Variants in BCL2 observed in about 807,000 individuals in gnomAD.
BCL2 encodes BCL2 apoptosis regulator.
BCL2 carries 1 observed loss-of-function variant against 14.2 expected under a neutral mutation model. The ratio of observed to expected loss-of-function variants is 0.07; its 90% CI spans 0.02 to 0.33. The LOEUF (loss-of-function observed/expected upper bound fraction) is 0.33. Among genes scored for constraint, BCL2 ranks in the 10% least tolerant of loss-of-function variants. The probability of loss-of-function intolerance (pLI) is 0.99; values close to 1 mark genes in which losing one functional copy is unlikely to be tolerated. For missense variants in BCL2, 247 were observed against 305.9 expected, an observed-to-expected ratio of 0.81 and a Z score of 1.44; for synonymous variants, 151 against 137.2, an observed-to-expected ratio of 1.10 and a Z score of -0.70.
chr18:63,192,436 G>A (rs909719016), intron 2 of BCL2, among the ~76,000 whole-genome samples: 1 of 152,162 alleles, frequency 6.6e-6, no homozygotes, highest in African/African-American at 2.4e-5. Context: ...AAATCAGATC[G>A]AGAGCCTGGA....
chr18:63,167,803 G>A (rs1329962130), intron 2 of BCL2, among the ~76,000 whole-genome samples: 1 of 152,062 alleles, frequency 6.6e-6, no homozygotes, highest in Non-Finnish European at 1.5e-5. Context: ...GTGCATGCCT[G>A]TGGTCCCACC....
intron 2 of BCL2, among the ~76,000 whole-genome samples, chr18:63,164,522 A>C (rs1464741869): frequency 2.0e-5 from 3 of 152,162 alleles, no homozygotes; most frequent in Non-Finnish European, 4.4e-5. Flanking sequence ...TTTTAGGGGG[A>C]AAGACTGGGA....
chr18:63,197,153 A>T (rs1909467021), intron 2 of BCL2, among the ~76,000 whole-genome samples: 1 of 152,242 alleles, frequency 6.6e-6, no homozygotes, highest in South Asian at 2.1e-4. Context: ...TGCCAAACAC[A>T]CATGGGTGGA....
intron 2 of BCL2, among the ~76,000 whole-genome samples, chr18:63,167,656 G>A (rs879859402): frequency 6.6e-6 from 1 of 152,062 alleles, no homozygotes; most frequent in Admixed American, 6.5e-5. Flanking sequence ...GGCTGGGCGT[G>A]GTGGCTCCTG....
At chr18:63,156,908 G>T (rs866504233) in intron 2 of BCL2, among the ~76,000 whole-genome samples, 1 of 152,118 alleles carries the variant, frequency 6.6e-6, no homozygotes. Context: ...TTTGCCCTCC[G>T]TTTTCTTCCC....
intron 2 of BCL2, among the ~76,000 whole-genome samples, chr18:63,165,123 C>G (rs1271744133): frequency 1.3e-5 from 2 of 151,958 alleles, no homozygotes; most frequent in African/African-American, 4.8e-5. Context: ...TAATTCAATT[C>G]AGGTTCAAAA....
At chr18:63,229,489 C>T (rs1910634853) in intron 2 of BCL2, among the ~76,000 whole-genome samples, 1 of 152,168 alleles carries the variant, frequency 6.6e-6, no homozygotes, top group Non-Finnish European at 1.5e-5. Flanking sequence ...CTGGATTTCT[C>T]ATGAATGGTT....
chr18:63,172,262 C>T (rs144963801), intron 2 of BCL2, among the ~76,000 whole-genome samples: 1 of 152,336 alleles, frequency 6.6e-6, no homozygotes, highest in East Asian at 1.9e-4. Flanking sequence ...CTTTCATTCA[C>T]GTACTCACTT....
chr18:63,227,935 A>G (rs1489046805), intron 2 of BCL2, among the ~76,000 whole-genome samples: 2 of 152,226 alleles, frequency 1.3e-5, no homozygotes, highest in Non-Finnish European at 2.9e-5. Context: ...GGTGTCTTAA[A>G]CAGCAGAAGT....
chr18:63,165,741 G>A (rs1257581083), intron 2 of BCL2, among the ~76,000 whole-genome samples: 1 of 151,302 alleles, frequency 6.6e-6, no homozygotes, highest in African/African-American at 2.5e-5. Flanking sequence ...GAGACAAAAA[G>A]AGATTGAGCA....
At chr18:63,184,362 T>A (rs1163276742) in intron 2 of BCL2, among the ~76,000 whole-genome samples, 1 of 152,252 alleles carries the variant, frequency 6.6e-6, no homozygotes, top group East Asian at 1.9e-4. Context: ...TGAATATTAA[T>A]CTGAAATATT....
chr18:63,146,845 T>C (rs536953457), intron 2 of BCL2, among the ~76,000 whole-genome samples: 7 of 152,330 alleles, frequency 4.6e-5, no homozygotes, highest in African/African-American at 1.7e-4. Context: ...TGATGGAATA[T>C]AGATTCAAAC....
At chr18:63,140,554 C>G (rs924627993) in intron 2 of BCL2, among the ~76,000 whole-genome samples, 15 of 152,234 alleles carry the variant, frequency 9.9e-5, no homozygotes, top group African/African-American at 3.6e-4. Flanking sequence ...ACAAAGGCCA[C>G]CCACTGTCTA....
intron 2 of BCL2, chr18:63,315,925 G>A (rs1913484212): frequency 6.6e-6 from 1 of 152,232 alleles, no homozygotes; most frequent in Non-Finnish European, 1.5e-5. Context: ...GCATTGTTCT[G>A]AAAGCTATTA....
intron 2 of BCL2, chr18:63,316,540 G>C (rs1363582606): frequency 1.3e-5 from 2 of 152,096 alleles, no homozygotes; most frequent in African/African-American, 4.8e-5. Context: ...ATCTGATAAT[G>C]TGAGATCTCA....
intron 2 of BCL2, among the ~76,000 whole-genome samples, chr18:63,242,982 G>A (rs564059898): frequency 7.2e-5 from 11 of 152,230 alleles, no homozygotes; most frequent in Admixed American, 3.9e-4. Context: ...CCTCAGTTAC[G>A]GTCGTCTTCA....
chr18:63,215,292 C>T (rs1175770670), intron 2 of BCL2, among the ~76,000 whole-genome samples: 1 of 152,164 alleles, frequency 6.6e-6, no homozygotes, highest in African/African-American at 2.4e-5. Context: ...ATCTAAAAAT[C>T]TATTCTTTTC....
intron 2 of BCL2, among the ~76,000 whole-genome samples, chr18:63,232,603 A>G (rs1035996579): frequency 3.3e-5 from 5 of 152,270 alleles, no homozygotes; most frequent in African/African-American, 4.8e-5. Flanking sequence ...TACCTTTTCA[A>G]TACATCAGAT....
At chr18:63,317,943 G>A in intron 2 of BCL2, 139 bp downstream of exon 2, 1 of 1,472,752 alleles carries the variant, frequency 6.8e-7, no homozygotes. Context: ...GAGGAGGTAG[G>A]GACGCCGGGA....
Sources: gnomAD v4.1 joint callset for allele counts (sites outside exome capture counted in the v4.1 genomes callset) on GRCh38, gnomAD v4.1.1 for gene constraint, MANE v1.5 for transcripts, NCBI Gene and HGNC (gene_info 2026-07-23, HGNC 2026-07-21) for gene names.